The following NBEA variants were observed in gnomAD, a reference collection of about 807,000 sequenced individuals.
NBEA encodes the protein neurobeachin.
A neutral mutation model predicts 343.4 loss-of-function variants in NBEA; 44 were observed. That is an observed-to-expected ratio of 0.13 (90% confidence interval 0.10 to 0.16). NBEA has a LOEUF of 0.16. NBEA is among the 10% of genes least tolerant of loss of function. The pLI is 1.00. For missense variants in NBEA, 2,555 were observed against 3,631.3 expected (o/e 0.70, Z 7.62); for synonymous variants, 1,175 against 1,238.7 (o/e 0.95, Z 1.08).
chr13:35,505,322 CCTTTGTTGCTTAA>C (rs2077035609), intron 41 of NBEA, among the ~76,000 whole-genome samples: 1 of 152,128 alleles, frequency 6.6e-6, no homozygotes, highest in South Asian at 2.1e-4. Context: ...TGGCCTTTGA[CCTTTGTTGCTTAA>C]AGACTAGCTC....
intron 34 of NBEA, among the ~76,000 whole-genome samples, chr13:35,275,380 A>G (rs548383770): frequency 6.6e-6 from 1 of 152,340 alleles, no homozygotes; most frequent in African/African-American, 2.4e-5. Context: ...TTAAAATGTA[A>G]GACCTAACAC....
intron 17 of NBEA, among the ~76,000 whole-genome samples, chr13:35,129,351 G>A (rs2067294185): frequency 6.6e-6 from 1 of 151,458 alleles, no homozygotes; most frequent in Admixed American, 6.6e-5. Context: ...CAAAAGTAAG[G>A]GAAATTCTCA....
chr13:35,298,432 C>T (rs934428630), intron 35 of NBEA, among the ~76,000 whole-genome samples: 34 of 151,326 alleles, frequency 2.2e-4, no homozygotes, highest in Non-Finnish European at 3.0e-5. Flanking sequence ...CTGGCTTCCA[C>T]AACTATTGCT....
rs965644226 is a variant in NBEA, at chr13:35,176,992, A to G, written c.4555-4A>G. ...TCTATTCACAATTCTTTTTATTTTC[A>G]AAGACTCCATTGGAAAATGTTCCAG... On this transcript the variant is annotated splice_region_variant and splice_polypyrimidine_tract_variant and intron_variant, in intron 27 of 58. Transcript: ENST00000379939. 2.6e-6 allele frequency: 4 copies of G among 1,549,668 alleles called. No homozygotes were observed. The highest frequency in any genetic ancestry group is 3.6e-5 in the Admixed American group (2 of 55,550).
chr13:35,337,394 C>A (rs1481157651), intron 36 of NBEA, among the ~76,000 whole-genome samples: 1 of 152,024 alleles, frequency 6.6e-6, no homozygotes, highest in Admixed American at 6.6e-5. Context: ...ATACAAAAAT[C>A]ATTACAGTGA....
chr13:35,633,029 A>G (rs925292690), intron 49 of NBEA, among the ~76,000 whole-genome samples: 3 of 151,906 alleles, frequency 2.0e-5, no homozygotes, highest in Non-Finnish European at 4.4e-5. Flanking sequence ...AAAAAAAAAA[A>G]AAAATTATCT....
chr13:35,051,346 G>A (rs1212535434), intron 6 of NBEA, among the ~76,000 whole-genome samples: 3 of 151,870 alleles, frequency 2.0e-5, no homozygotes, highest in Non-Finnish European at 4.4e-5. Flanking sequence ...CAAATGTGGT[G>A]AGGGGGAGAT....
At chr13:35,482,985 G>A (rs1013934751) in intron 41 of NBEA, among the ~76,000 whole-genome samples, 16 of 151,800 alleles carry the variant, frequency 1.1e-4, no homozygotes, top group East Asian at 7.7e-4. Context: ...CTGTAACACC[G>A]TTATTTATTT....
At chr13:35,646,443 G>A in intron 51 of NBEA, 95 bp downstream of exon 51, 1 of 888,562 alleles carries the variant, frequency 1.1e-6, no homozygotes, top group Non-Finnish European at 1.8e-6. Flanking sequence ...TATTTTAAAA[G>A]GCTTCTCGAT....
chr13:35,113,396 A>G (rs1250284258), intron 13 of NBEA, among the ~76,000 whole-genome samples: 1 of 152,136 alleles, frequency 6.6e-6, no homozygotes, highest in Non-Finnish European at 1.5e-5. Context: ...ATTAATAAGT[A>G]TTTGGTGGAG....
intron 40 of NBEA, among the ~76,000 whole-genome samples, chr13:35,470,312 G>C (rs1441302156): frequency 1.3e-5 from 2 of 152,130 alleles, no homozygotes; most frequent in East Asian, 3.8e-4. Context: ...GTTCACGGAT[G>C]TGTACTTAAA....
rs975062623 is a variant in NBEA at position 35,375,762 on chromosome 13, G to A, written c.6179+23439G>A. Among the ~76,000 whole-genome samples, 3 of 152,078 alleles carry A rather than the reference G, an allele frequency of 2.0e-5. No individual in the cohort carries two copies. In the East Asian group the frequency reaches 5.8e-4, roughly 29 times the overall value. ...ATGACAGACATTTGTCTTTGCAGCA[G>A]AACAACAAGTGATCTTAAATATAAT... On this transcript the variant is annotated intron_variant, in intron 38 of 58. Coordinates refer to ENST00000379939, the MANE Select transcript of NBEA (RefSeq NM_001385012.1).
chr13:35,416,005 G>T (rs2043883668), intron 38 of NBEA, among the ~76,000 whole-genome samples: 1 of 152,106 alleles, frequency 6.6e-6, no homozygotes, highest in African/African-American at 2.4e-5. Context: ...AATTGTGAAT[G>T]GGAGTTCACT....
At chr13:34,973,091 T>G (rs2060051085) in intron 1 of NBEA, among the ~76,000 whole-genome samples, 1 of 152,114 alleles carries the variant, frequency 6.6e-6, no homozygotes. Flanking sequence ...CCTTAGTCAT[T>G]TCGGGTTTTC....
At chr13:35,213,309 A>T (rs935648123) in intron 33 of NBEA, among the ~76,000 whole-genome samples, 2 of 152,012 alleles carry the variant, frequency 1.3e-5, no homozygotes, top group African/African-American at 4.8e-5. Flanking sequence ...GCTCTGCCTC[A>T]TCTCTTTGTC....
intron 1 of NBEA, among the ~76,000 whole-genome samples, chr13:35,019,223 G>T (rs1049420551): frequency 6.6e-6 from 1 of 151,122 alleles, no homozygotes; most frequent in African/African-American, 2.4e-5. Context: ...TCTTTGAAAT[G>T]GTTTTCTGAT....
rs372601649 is a variant in NBEA, at chr13:35,090,791, G to A, written c.1572-7506G>A. Among the ~76,000 whole-genome samples the A allele has an allele frequency of 2.6e-5, 4 of 151,880 alleles. No homozygotes were observed. The East Asian group carries it at 7.8e-4, about 29-fold the overall frequency. On this transcript the variant is annotated intron_variant, in intron 10 of 58. Transcript: ENST00000379939. The stretch of plus-strand genomic sequence containing the variant: ...CTCTACCCTGTTTCTCCTACTCAAT[G>A]CAAGAAAAACACCCTACATGGACAG...
At chr13:35,388,222 A>G (rs375674507) in intron 38 of NBEA, among the ~76,000 whole-genome samples, 2 of 152,328 alleles carry the variant, frequency 1.3e-5, no homozygotes, top group East Asian at 3.9e-4. Context: ...TTTTGACGAT[A>G]GGTGGAATAA....
chr13:35,127,660 G>A (rs1169766255), intron 17 of NBEA, among the ~76,000 whole-genome samples: 5 of 152,066 alleles, frequency 3.3e-5, no homozygotes, highest in Non-Finnish European at 5.9e-5. Flanking sequence ...AAAAAATTAA[G>A]AGTAAATATG....
Sources: gnomAD v4.1 joint callset for allele counts (sites outside exome capture counted in the v4.1 genomes callset) on GRCh38, gnomAD v4.1.1 for gene constraint, MANE v1.5 for transcripts, NCBI Gene and HGNC (gene_info 2026-07-23, HGNC 2026-07-21) for gene names.